Variants in SP110 observed in about 807,000 individuals in gnomAD.
SP110 encodes the protein SP110 nuclear body protein, also known as interferon-induced protein 41, 30kD.
SP110 carries 62 observed loss-of-function variants against 92.7 expected under a neutral mutation model. The observed-to-expected ratio is 0.67, with a 90% CI of 0.55 to 0.83. SP110 has a LOEUF of 0.83. Ranked by LOEUF, SP110 falls within the 40% of genes least tolerant of loss-of-function variation. The pLI, the probability that SP110 is intolerant of heterozygous loss-of-function variation, is 0.00. For missense variants in SP110, 793 were observed against 863.9 expected (o/e 0.92, Z 1.03); for synonymous variants, 273 against 305.3 (o/e 0.89, Z 1.10).
intron 7 of SP110, among the ~76,000 whole-genome samples, chr2:230,209,078 T>C (rs2044188549): frequency 6.6e-6 from 1 of 152,158 alleles, no homozygotes; most frequent in Non-Finnish European, 1.5e-5. Context: ...TCTTTTTCTT[T>C]TGTTAGGATT....
intron 10 of SP110, among the ~76,000 whole-genome samples, chr2:230,194,948 C>T (rs767384805): frequency 3.3e-5 from 5 of 152,082 alleles, no homozygotes; most frequent in Non-Finnish European, 7.4e-5. Context: ...TGGCTGTGCT[C>T]CAGGCACATG....
Position 230,165,971 on chromosome 2 carries a change from G to A in SP110, c.*3153C>T, listed in dbSNP as rs908356431. 6.8e-6 allele frequency among the ~76,000 whole-genome samples: 1 copy of A among 148,066 alleles called. No homozygotes were observed. The highest frequency in any genetic ancestry group is 2.5e-5 in the African/African-American group (1 of 39,856). On this transcript the variant is annotated 3_prime_UTR_variant, in exon 19 of 19. Transcript: ENST00000258381. ...TGCAGTGGTGGGATCTCGGCTCACTGCAACCTCCACCTCCCGGGTTCAAGC... is the reference window on the plus strand; with the variant it reads ...TGCAGTGGTGGGATCTCGGCTCACTACAACCTCCACCTCCCGGGTTCAAGC...
upstream of SP110, among the ~76,000 whole-genome samples, chr2:230,223,225 T>C (rs1280282317): frequency 1.3e-5 from 2 of 151,994 alleles, no homozygotes; most frequent in Non-Finnish European, 2.9e-5. Context: ...TTAGTAGAGA[T>C]GGGGTTTCAC....
intron 1 of SP110, among the ~76,000 whole-genome samples, chr2:230,218,683 AC>A (rs1310089235): frequency 1.3e-5 from 2 of 152,328 alleles, no homozygotes; most frequent in African/African-American, 4.8e-5. Flanking sequence ...TTAGTAACTC[AC>A]CCAAGGTATT....
chr2:230,214,222 A>T (rs1020322023), intron 3 of SP110: 1 of 151,842 alleles, frequency 6.6e-6, no homozygotes, highest in Non-Finnish European at 1.5e-5. Flanking sequence ...TTCTTTCTCT[A>T]CGTACTTCAT....
At position 230,169,233 on chromosome 2, in the gene SP110, G is replaced by C. The variant is rs1321872828; in HGVS notation, c.2033C>G (p.Ser678Cys). ...FRNHKTFYKA[S>C]DFGQVGLDLE... Reference sequence around the variant, plus strand: ...GTCAAGTCCTACCTGGCCAAAGTCAGAAGCCTGAAAGAGAAAAAAGCAAAC... The same window carrying C: ...GTCAAGTCCTACCTGGCCAAAGTCACAAGCCTGAAAGAGAAAAAAGCAAAC... Residue 678 changes from serine to cysteine, a missense_variant, in exon 19 of 19, where the codon TCT (serine) becomes TGT (cysteine). By Grantham distance (112) the Ser-to-Cys change is moderately radical. Transcript: ENST00000258381. 1 of 1,581,300 alleles carries C rather than the reference G, an allele frequency of 6.3e-7. No homozygotes were observed. Among genetic ancestry groups the C allele is most frequent in the Admixed American group, 1.7e-5 (1 of 59,986 alleles).
intron 10 of SP110, among the ~76,000 whole-genome samples, chr2:230,198,359 C>T (rs1230903968): frequency 6.6e-6 from 1 of 152,130 alleles, no homozygotes; most frequent in Non-Finnish European, 1.5e-5. Context: ...TGGAGCTTTC[C>T]AAGTGTCTGG....
At chr2:230,206,491 G>T (rs1267114253) in intron 8 of SP110, among the ~76,000 whole-genome samples, 1 of 149,788 alleles carries the variant, frequency 6.7e-6, no homozygotes, top group African/African-American at 2.5e-5. Context: ...CTAGGTCTGT[G>T]GTTCTCTTTT....
rs569090628 is a variant in SP110, at chr2:230,199,362, C to T, written c.1129+1523G>A. Among the ~76,000 whole-genome samples, 9 of 151,640 alleles carry T rather than the reference C, an allele frequency of 5.9e-5. No individual in the cohort carries two copies. In the East Asian group the frequency reaches 1.7e-3, roughly 29 times the overall value. ...TAGCTGGGATTACAGGCGCCCACCACCACGCCTGGCTAGTTTTTGTATTTT... is the reference window on the plus strand; with the variant it reads ...TAGCTGGGATTACAGGCGCCCACCATCACGCCTGGCTAGTTTTTGTATTTT... On this transcript the variant is annotated intron_variant, in intron 10 of 18. Coordinates refer to ENST00000258381, the MANE Select transcript of SP110 (RefSeq NM_080424.4).
upstream of SP110, chr2:230,221,734 C>G (rs1177625025): frequency 6.5e-7 from 1 of 1,535,960 alleles, no homozygotes; most frequent in South Asian, 1.2e-5. Context: ...CCTGGAAAGC[C>G]CCTTCATGGG....
At chr2:230,169,913 C>G (rs1378194085) in intron 18 of SP110, among the ~76,000 whole-genome samples, 1 of 152,154 alleles carries the variant, frequency 6.6e-6, no homozygotes, top group Non-Finnish European at 1.5e-5. Context: ...AACCCTTTCT[C>G]CCTGCAGCTC....
chr2:230,174,016 A>G (rs1377550995), intron 14 of SP110: 3 of 152,088 alleles, frequency 2.0e-5, no homozygotes, highest in Non-Finnish European at 4.4e-5. Flanking sequence ...GTGTAACATC[A>G]CCCTGAAGAC....
chr2:230,178,623 A>G (rs1246430795), intron 12 of SP110, among the ~76,000 whole-genome samples: 7 of 151,818 alleles, frequency 4.6e-5, no homozygotes, highest in Non-Finnish European at 1.0e-4. Flanking sequence ...TTGCCAGAGG[A>G]AAAAAAAATC....
chr2:230,213,003 C>T lies in SP110; in HGVS notation c.341G>A (p.Ser114Asn). The T allele has an allele frequency of 6.2e-7, 1 of 1,614,094 alleles. No individual in the cohort carries two copies. The highest frequency in any genetic ancestry group is 8.5e-7 in the Non-Finnish European group (1 of 1,179,988). The stretch of plus-strand genomic sequence containing the variant: ...TTCAAGTAGGATTGGTGTGTCTCTG[C>T]TCTGCCATTCATAGGAAGCACCAAC... ...KRVGASYEWQ[S>N]RDTPILLEAP... The change falls in exon 4 of 19, where the codon AGC becomes AAC. Residue 114 changes from serine to asparagine, a missense_variant. Transcript: ENST00000258381.
At chr2:230,224,128 A>G (rs1258369373), upstream of SP110, among the ~76,000 whole-genome samples, 1 of 152,238 alleles carries the variant, frequency 6.6e-6, no homozygotes, top group Non-Finnish European at 1.5e-5. Context: ...GGTGTTGCAA[A>G]GTAGGGCTTT....
intron 1 of SP110, among the ~76,000 whole-genome samples, chr2:230,217,730 T>C (rs1211913731): frequency 6.6e-6 from 1 of 152,172 alleles, no homozygotes; most frequent in Non-Finnish European, 1.5e-5. Flanking sequence ...AGGCTTACAG[T>C]GCTAACTATG....
intron 18 of SP110, among the ~76,000 whole-genome samples, chr2:230,169,779 G>A (rs972534729): frequency 6.6e-6 from 1 of 152,188 alleles, no homozygotes; most frequent in East Asian, 1.9e-4. Flanking sequence ...GCAAATCTGA[G>A]CATGATGCAA....
upstream of SP110, among the ~76,000 whole-genome samples, chr2:230,224,324 C>G (rs905711458): frequency 1.3e-5 from 2 of 151,918 alleles, no homozygotes; most frequent in African/African-American, 4.8e-5. Flanking sequence ...CTGGAGCAGG[C>G]GGTATAGTCT....
intron 14 of SP110, 50 bp downstream of exon 14, chr2:230,177,488 C>A: frequency 6.3e-7 from 1 of 1,588,944 alleles, no homozygotes; most frequent in South Asian, 1.1e-5. Context: ...AGCTCCACTT[C>A]TCCTTCAAGG....
Sources: allele counts gnomAD v4.1 joint callset (sites outside exome capture counted in the v4.1 genomes callset), GRCh38; gene constraint gnomAD v4.1.1; transcripts MANE v1.5; gene names NCBI Gene and HGNC (gene_info 2026-07-23, HGNC 2026-07-21).